Variants in CALD1 observed in about 807,000 individuals in gnomAD.
CALD1 encodes caldesmon 1, also known as caldesmon.
In CALD1, 33 loss-of-function variants were observed where a neutral mutation model predicts 99.9. That is an observed-to-expected ratio of 0.33 (90% confidence interval 0.25 to 0.44). The LOEUF (loss-of-function observed/expected upper bound fraction) is 0.44, where lower values mean the gene tolerates loss of function less well. Among genes scored for constraint, CALD1 ranks in the 20% least tolerant of loss-of-function variants. The pLI is 1.00. For synonymous variants in CALD1, 310 were observed against 325.0 expected (o/e 0.95, Z 0.50); for missense variants, 861 against 962.1 (o/e 0.89, Z 1.39).
At chr7:134,743,671 C>A (rs1796609798), upstream of CALD1, among the ~76,000 whole-genome samples, 1 of 152,214 alleles carries the variant, frequency 6.6e-6, no homozygotes, top group Non-Finnish European at 1.5e-5. Context: ...TGGAATCAAT[C>A]AGAAAAGTGT....
At chr7:134,726,355 A>G in the CALD1 span, among the ~76,000 whole-genome samples, 1 of 147,540 alleles carries the variant, frequency 6.8e-6, no homozygotes, top group Non-Finnish European at 1.5e-5. Context: ...ATCTTTATAT[A>G]TTATATGTAT....
Position 134,959,998 on chromosome 7 carries a change from A to C in CALD1, c.2086A>C (p.Lys696Gln), listed in dbSNP as rs1808131470. ...GGGAACAAAAAGCGCAAAACCTACA[A>C]AGCCGGCAGCCTCGGATCTTCCTGT... ...IEGTKSAKPT[K>Q]PAASDLPVPA... Residue 696 changes from lysine (K) to glutamine (Q), a missense_variant, in exon 12 of 15, where the codon AAG becomes CAG. Physicochemically the swap from Lys to Gln is moderately conservative, Grantham distance 53. Around this residue, in one of 5 missense-constraint regions of CALD1, gnomAD observed 190 missense variants for 249.0 expected, o/e 0.76. Coordinates refer to ENST00000361675, the MANE Select transcript of CALD1 (RefSeq NM_033138.4). 1.7e-5 allele frequency: 27 copies of C among 1,613,880 alleles called. No individual in the cohort carries two copies. The highest frequency in any genetic ancestry group is 2.2e-5 in the Non-Finnish European group (26 of 1,179,980).
At chr7:134,758,772 T>C (rs963435716) in intron 1 of CALD1, among the ~76,000 whole-genome samples, 2 of 152,160 alleles carry the variant, frequency 1.3e-5, no homozygotes, top group Admixed American at 1.3e-4. Context: ...CATAGTAACA[T>C]GTGAGACAAC....
At chr7:134,841,647 A>T (rs1474172337) in intron 1 of CALD1, among the ~76,000 whole-genome samples, 1 of 152,192 alleles carries the variant, frequency 6.6e-6, no homozygotes, top group Non-Finnish European at 1.5e-5. Context: ...ACTGGATACA[A>T]AGGTGATCAT....
chr7:134,812,692 C>T (rs1798399770), intron 1 of CALD1, among the ~76,000 whole-genome samples: 1 of 152,042 alleles, frequency 6.6e-6, no homozygotes, highest in Non-Finnish European at 1.5e-5. Context: ...TATGGGAGTG[C>T]AAGTCAGTAG....
At chr7:134,763,830 A>G (rs899537100) in intron 1 of CALD1, among the ~76,000 whole-genome samples, 2 of 150,356 alleles carry the variant, frequency 1.3e-5, no homozygotes, top group Non-Finnish European at 2.9e-5. Flanking sequence ...AGGCATGAGA[A>G]TTGTTGGAAC....
rs10235045 is a variant in CALD1, at chr7:134,957,957, A to G, written c.1936-112A>G. ...TACGCACAGTAACTCAAATACCCTT[A>G]TATGCTCTTCGGTGTGTTTAACAGG... On this transcript the variant is annotated intron_variant, in intron 9 of 14. Transcript: ENST00000361675. 4.1e-3 allele frequency: 3,125 copies of G among 770,622 alleles called. 77 individuals carry two copies. The African/African-American group carries it at 0.045, about 11-fold the overall frequency. The allele number at this position is 770,622 out of a possible 1,614,324, so 47.7% of individuals were successfully genotyped here. A position where few individuals can be genotyped will look rare whatever the true frequency, so the allele number is the denominator to read the frequency against.
intron 1 of CALD1, among the ~76,000 whole-genome samples, chr7:134,765,605 T>A (rs960040811): frequency 6.6e-6 from 1 of 152,218 alleles, no homozygotes; most frequent in African/African-American, 2.4e-5. Context: ...TATCAATGTA[T>A]TCCCAGGTGA....
intron 9 of CALD1, among the ~76,000 whole-genome samples, chr7:134,957,766 T>C (rs1807887470): frequency 6.6e-6 from 1 of 152,202 alleles, no homozygotes; most frequent in Admixed American, 6.5e-5. Context: ...CTGATTTATA[T>C]TGTTTTAGAG....
chr7:134,821,357 T>C (rs1269865679), intron 1 of CALD1, among the ~76,000 whole-genome samples: 1 of 152,116 alleles, frequency 6.6e-6, no homozygotes, highest in East Asian at 1.9e-4. Flanking sequence ...TCAACTTCTA[T>C]CATTGAAGCT....
At chr7:134,900,667 G>C (rs1802925324) in intron 3 of CALD1, among the ~76,000 whole-genome samples, 1 of 152,064 alleles carries the variant, frequency 6.6e-6, no homozygotes, top group Non-Finnish European at 1.5e-5. Context: ...CCACAAGCAG[G>C]TCACTTAATT....
At chr7:134,856,352 A>G (rs1400913413) in intron 2 of CALD1, among the ~76,000 whole-genome samples, 1 of 152,192 alleles carries the variant, frequency 6.6e-6, no homozygotes, top group African/African-American at 2.4e-5. Flanking sequence ...GTGAGAAAAG[A>G]TAAAAGTCCT....
chr7:134,863,420 A>G (rs1800649771), intron 2 of CALD1, among the ~76,000 whole-genome samples: 1 of 152,244 alleles, frequency 6.6e-6, no homozygotes, highest in African/African-American at 2.4e-5. Flanking sequence ...CAAAAAGTAG[A>G]TAAGACTTAG....
At chr7:134,947,340 T>C (rs1299219131) in intron 7 of CALD1, among the ~76,000 whole-genome samples, 168 bp from the exon 8 acceptor site, 1 of 152,166 alleles carries the variant, frequency 6.6e-6, no homozygotes, top group African/African-American at 2.4e-5. Context: ...CAGAGGCTCC[T>C]GGACTCTGTG....
chr7:134,761,431 CA>C (rs879851945), intron 1 of CALD1, among the ~76,000 whole-genome samples: 10 of 151,392 alleles, frequency 6.6e-5, no homozygotes, highest in Non-Finnish European at 1.5e-4. Flanking sequence ...GGAAAATTTG[CA>C]GTCGATTAAT....
chr7:134,965,202 C>T (rs1808579400), intron 13 of CALD1, 104 bp from the exon 14 acceptor site: 6 of 723,512 alleles, frequency 8.3e-6, no homozygotes, highest in Non-Finnish European at 1.0e-5. Context: ...GTGTATTAAA[C>T]AACAAACTGA....
intron 3 of CALD1, among the ~76,000 whole-genome samples, chr7:134,890,517 G>C (rs565739089): frequency 3.3e-5 from 5 of 152,222 alleles, no homozygotes; most frequent in African/African-American, 1.2e-4. Context: ...ACATTGTGGA[G>C]ATCGGATTTG....
chr7:134,959,703 G>A (rs12707194), intron 11 of CALD1, among the ~76,000 whole-genome samples: 37,338 of 151,988 alleles, frequency 0.25, 4,985 homozygotes, highest in East Asian at 0.31. Flanking sequence ...TTGAAGAAAC[G>A]AAGTAGAATA....
Position 134,783,372 on chromosome 7 carries a change from T to A in CALD1, c.-130+3623T>A, listed in dbSNP as rs1034812159. 1.3e-5 allele frequency among the ~76,000 whole-genome samples: 2 copies of A among 152,148 alleles called. No individual in the cohort carries two copies. The highest frequency in any genetic ancestry group is 2.9e-5 in the Non-Finnish European group (2 of 68,018). ...CTTTCTTGATCCAACATTGACAATTTGCAGGGGCCAGCTCTAAGATGAGGC... is the reference window on the plus strand; with the variant it reads ...CTTTCTTGATCCAACATTGACAATTAGCAGGGGCCAGCTCTAAGATGAGGC... On this transcript the variant is annotated intron_variant, in intron 1 of 14. Transcript: ENST00000361675. The surrounding 1 kb of genome is among the most constrained non-coding windows in gnomAD (Gnocchi z 4.3).
Sources: gnomAD v4.1 joint callset for allele counts (sites outside exome capture counted in the v4.1 genomes callset) on GRCh38, gnomAD v4.1.1 for gene constraint, gnomAD v4.1.1 regional missense constraint, Gnocchi (gnomAD v3.1) non-coding constraint, MANE v1.5 for transcripts, NCBI Gene and HGNC (gene_info 2026-07-23, HGNC 2026-07-21) for gene names.